The following ROBO2 variants were observed in gnomAD, a reference collection of about 807,000 sequenced individuals.
ROBO2 encodes roundabout guidance receptor 2.
Under a neutral mutation model 160.8 loss-of-function variants are expected in ROBO2, and 53 were observed. That is an observed-to-expected ratio of 0.33 (90% CI 0.26 to 0.41). The LOEUF (loss-of-function observed/expected upper bound fraction) is 0.41, where lower values mean the gene tolerates loss of function less well. Among genes scored for constraint, ROBO2 ranks in the 10% least tolerant of loss-of-function variants. The probability of loss-of-function intolerance (pLI) is 1.00; values close to 1 mark genes in which losing one functional copy is unlikely to be tolerated. For missense variants in ROBO2, 1,577 were observed against 1,722.4 expected, an observed-to-expected ratio of 0.92 and a Z score of 1.49; for synonymous variants, 664 against 611.7, an observed-to-expected ratio of 1.09 and a Z score of -1.26.
chr3:76,716,403 A>G lies in ROBO2; in HGVS notation c.110-381611A>G, dbSNP rs183274315. 6.6e-4 allele frequency among the ~76,000 whole-genome samples: 101 copies of G among 152,230 alleles called. 1 individual carries two copies. Among genetic ancestry groups the G allele is most frequent in the African/African-American group, 2.4e-3 (100 of 41,544 alleles). On this transcript the variant is annotated intron_variant, in intron 2 of 26. Coordinates refer to the ROBO2 transcript ENST00000487694. ...CATCTTTTCCTTATCTTTTTTCTTT[A>G]TTCTTCACAGGTAATAGATGTAGTT...
intron 24 of ROBO2, among the ~76,000 whole-genome samples, chr3:77,638,578 G>A (rs1462259016): frequency 6.6e-6 from 1 of 152,076 alleles, no homozygotes; most frequent in East Asian, 1.9e-4. Flanking sequence ...GGAAATGTCA[G>A]TCTGTATCCC....
intron 2 of ROBO2, among the ~76,000 whole-genome samples, chr3:77,033,562 T>G (rs763517532): frequency 6.6e-6 from 1 of 152,078 alleles, no homozygotes; most frequent in Non-Finnish European, 1.5e-5. Flanking sequence ...AAGCCAGTTA[T>G]AGAGGCAAGC....
intron 2 of ROBO2, among the ~76,000 whole-genome samples, chr3:76,627,024 G>A (rs1394663140): frequency 6.6e-6 from 1 of 152,122 alleles, no homozygotes; most frequent in Non-Finnish European, 1.5e-5. Context: ...AATCTAATAT[G>A]CCTCTATTCA....
At chr3:77,398,757 T>C (rs1181075062) in intron 2 of ROBO2, among the ~76,000 whole-genome samples, 1 of 151,358 alleles carries the variant, frequency 6.6e-6, no homozygotes, top group African/African-American at 2.4e-5. Context: ...AATTTTTGTA[T>C]TTTTTTTGGT....
intron 2 of ROBO2, among the ~76,000 whole-genome samples, chr3:76,591,739 T>G (rs2086430391): frequency 6.6e-6 from 1 of 152,176 alleles, no homozygotes; most frequent in African/African-American, 2.4e-5. Context: ...ACATTTTCTC[T>G]GACTAAACAT....
chr3:77,158,939 T>A (rs754828344), intron 2 of ROBO2, among the ~76,000 whole-genome samples: 25 of 152,062 alleles, frequency 1.6e-4, no homozygotes, highest in Non-Finnish European at 3.2e-4. Context: ...TTACCCTGAA[T>A]AAGACATGAA....
intron 2 of ROBO2, among the ~76,000 whole-genome samples, chr3:75,983,976 T>C (rs2065345723): frequency 6.6e-6 from 1 of 151,514 alleles, no homozygotes; most frequent in South Asian, 2.1e-4. Context: ...GTTTATCTTA[T>C]GTGCTCTTTT....
chr3:76,666,739 A>T (rs1441944613), intron 2 of ROBO2, among the ~76,000 whole-genome samples: 1 of 152,138 alleles, frequency 6.6e-6, no homozygotes, highest in East Asian at 1.9e-4. Flanking sequence ...AAAGTAATCA[A>T]ACCAGTTTAC....
At chr3:77,022,315 A>C (rs2062688785) in intron 2 of ROBO2, among the ~76,000 whole-genome samples, 1 of 152,206 alleles carries the variant, frequency 6.6e-6, no homozygotes, top group African/African-American at 2.4e-5. Flanking sequence ...GGTTGCAGTG[A>C]GCCGAGGTCA....
chr3:76,855,974 A>G (rs1478140992), intron 2 of ROBO2, among the ~76,000 whole-genome samples: 1 of 152,198 alleles, frequency 6.6e-6, no homozygotes, highest in Non-Finnish European at 1.5e-5. Flanking sequence ...GAGCATTTCC[A>G]TTCCCTATGC....
chr3:77,085,991 G>C (rs1050229928), intron 1 of ROBO2, among the ~76,000 whole-genome samples: 4 of 151,866 alleles, frequency 2.6e-5, no homozygotes, highest in Non-Finnish European at 5.9e-5. Flanking sequence ...TAATGGAAAA[G>C]CAACCAAAAA....
At chr3:76,956,192 A>G (rs1397457697) in intron 2 of ROBO2, among the ~76,000 whole-genome samples, 2 of 152,204 alleles carry the variant, frequency 1.3e-5, no homozygotes, top group African/African-American at 4.8e-5. Flanking sequence ...AAGTAAATGC[A>G]GAAATTAAAT....
chr3:76,747,887 A>C (rs2108166502), intron 2 of ROBO2, among the ~76,000 whole-genome samples: 1 of 152,160 alleles, frequency 6.6e-6, no homozygotes, highest in East Asian at 1.9e-4. Context: ...CTCTGAAATT[A>C]GTTTATGGGT....
At chr3:76,973,173 T>G (rs999939761) in intron 2 of ROBO2, among the ~76,000 whole-genome samples, 2 of 152,182 alleles carry the variant, frequency 1.3e-5, no homozygotes, top group African/African-American at 4.8e-5. Context: ...GATTTGCATC[T>G]CCTCAGCTTT....
At position 76,394,107 on chromosome 3, in the gene ROBO2, T is replaced by G. The variant is rs574396336; in HGVS notation, c.109+456505T>G. On this transcript the variant is annotated intron_variant, in intron 2 of 26. Coordinates refer to the ROBO2 transcript ENST00000487694. ...TTTGCCAGTCTGTGTCTTTTAATTG[T>G]AGCATTTCGTCCATTTACATTTAAA... Among the ~76,000 whole-genome samples the G allele has an allele frequency of 1.3e-3, 192 of 152,252 alleles. 1 individual carries two copies. Among genetic ancestry groups the G allele is most frequent in the African/African-American group, 4.4e-3 (182 of 41,562 alleles).
intron 2 of ROBO2, among the ~76,000 whole-genome samples, chr3:77,306,380 T>C (rs1169414263): frequency 1.3e-5 from 2 of 152,164 alleles, no homozygotes; most frequent in African/African-American, 2.4e-5. Context: ...TTTTAAAGCA[T>C]TCAATTATTT....
At chr3:76,571,150 A>G (rs538234784) in intron 2 of ROBO2, among the ~76,000 whole-genome samples, 1 of 152,290 alleles carries the variant, frequency 6.6e-6, no homozygotes, top group Admixed American at 6.5e-5. Context: ...ATTAAGTATT[A>G]TGCAGTATTA....
chr3:76,555,409 AAG>A (rs2083693286), intron 2 of ROBO2, among the ~76,000 whole-genome samples: 7 of 72,348 alleles, frequency 9.7e-5, no homozygotes, highest in African/African-American at 2.0e-4. Flanking sequence ...GAAGAAGAAG[AAG>A]AAGAAGAAAG....
intron 2 of ROBO2, among the ~76,000 whole-genome samples, chr3:76,996,620 T>TA (rs11374746): frequency 0.53 from 80,953 of 151,792 alleles, 22,516 homozygotes; most frequent in East Asian, 0.8. Flanking sequence ...TATCCTCTTT[T>TA]TTTCATTGAG....
Sources: allele counts gnomAD v4.1 joint callset (sites outside exome capture counted in the v4.1 genomes callset), GRCh38; gene constraint gnomAD v4.1.1; transcripts MANE v1.5; gene names NCBI Gene and HGNC (gene_info 2026-07-23, HGNC 2026-07-21).